AMBN: variants seen among roughly 807,000 people sequenced by gnomAD.
The protein encoded by AMBN is enamel matrix protein.
A neutral mutation model predicts 48.0 loss-of-function variants in AMBN; 54 were observed. The ratio of observed to expected loss-of-function variants is 1.12; its 90% confidence interval spans 0.90 to 1.41. AMBN has a LOEUF of 1.41. Ranked by LOEUF, AMBN falls within the 40% of genes most tolerant of loss-of-function variation. The pLI is 0.00. For synonymous variants in AMBN, 186 were observed against 190.0 expected (o/e 0.98, Z 0.17); for missense variants, 571 against 547.3 (o/e 1.04, Z -0.43).
chr4:70,596,873 G>A (rs1336526090), intron 2 of AMBN, 126 bp from the exon 3 acceptor site: 6 of 620,514 alleles, frequency 9.7e-6, no homozygotes, highest in Non-Finnish European at 1.7e-5. Flanking sequence ...CAAGTCATTT[G>A]CATAATAAAC....
At chr4:70,596,064 C>T (rs529121596) in intron 2 of AMBN, among the ~76,000 whole-genome samples, 14 of 151,818 alleles carry the variant, frequency 9.2e-5, no homozygotes, top group South Asian at 2.1e-4. Context: ...CTAAGGTGGG[C>T]GGATCACTTG....
chr4:70,592,484 T>C, intron 1 of AMBN, 111 bp downstream of exon 1: 1 of 1,208,994 alleles, frequency 8.3e-7, no homozygotes, highest in Non-Finnish European at 1.2e-6. Context: ...GTAGCTGAAT[T>C]ATTGCTTGTT....
chr4:70,601,253 A>G (rs888010337), intron 5 of AMBN, among the ~76,000 whole-genome samples, 165 bp from the exon 6 acceptor site: 1 of 152,172 alleles, frequency 6.6e-6, no homozygotes, highest in African/African-American at 2.4e-5. Context: ...CTCCCCAAAC[A>G]ACATTAACAC....
chr4:70,603,635 C>T (rs1737578010), intron 11 of AMBN, among the ~76,000 whole-genome samples, 175 bp downstream of exon 11: 1 of 150,468 alleles, frequency 6.6e-6, no homozygotes, highest in South Asian at 2.1e-4. Context: ...TGGCCAGACA[C>T]ACACACACAC....
chr4:70,603,233 A>T (rs777691977), intron 9 of AMBN, 27 bp from the exon 10 acceptor site: 70 of 1,603,840 alleles, frequency 4.4e-5, no homozygotes, highest in Non-Finnish European at 5.9e-5. Flanking sequence ...TGTGAGAATT[A>T]CTTATTCTGT....
intron 2 of AMBN, among the ~76,000 whole-genome samples, chr4:70,594,488 A>G (rs1249974477): frequency 6.6e-6 from 1 of 152,242 alleles, no homozygotes; most frequent in Non-Finnish European, 1.5e-5. Flanking sequence ...AGTAGCTCAC[A>G]GTTGGCCTCA....
chr4:70,594,201 G>T (rs966682293), intron 2 of AMBN, among the ~76,000 whole-genome samples: 1 of 152,182 alleles, frequency 6.6e-6, no homozygotes, highest in African/African-American at 2.4e-5. Flanking sequence ...GTGTGACTGA[G>T]AGCTGAAGTT....
chr4:70,603,105 G>C, intron 9 of AMBN, 95 bp downstream of exon 9: 1 of 1,426,696 alleles, frequency 7.0e-7, no homozygotes, highest in Admixed American at 2.1e-5. Context: ...ATTTATCCAT[G>C]AATATGAAGT....
chr4:70,602,640 T>C lies in AMBN; in HGVS notation c.548T>C (p.Phe183Ser), dbSNP rs1737546453. 3 of 1,579,706 alleles carry C rather than the reference T, an allele frequency of 1.9e-6. No individual in the cohort carries two copies. Among genetic ancestry groups the C allele is most frequent in the Admixed American group, 3.5e-5 (2 of 56,870 alleles). The change falls in exon 7 of 13, where the codon TTT (phenylalanine) becomes TCT (serine). Residue 183 changes from phenylalanine to serine, a missense_variant. Transcript: ENST00000322937. ...PPKPELPGVD[F>S]ADPQGPSLPG... ...GTGATATAGCTCCCAGGAGTAGATT[T>C]TGCTGATCCACAAGGTCCATCAGTA... is the stretch of plus-strand genomic sequence containing the variant.
chr4:70,605,646 G>A (rs1460866500), intron 12 of AMBN, among the ~76,000 whole-genome samples: 2 of 152,032 alleles, frequency 1.3e-5, no homozygotes, highest in African/African-American at 4.8e-5. Flanking sequence ...GTCTTAGCTG[G>A]GTGCAGTGTC....
intron 5 of AMBN, among the ~76,000 whole-genome samples, 185 bp from the exon 6 acceptor site, chr4:70,601,233 C>T (rs775667627): frequency 1.2e-4 from 19 of 152,120 alleles, no homozygotes; most frequent in Non-Finnish European, 2.4e-4. Flanking sequence ...AGGGGAGGCA[C>T]ACACAAGACC....
At position 70,602,787 on chromosome 4, in the gene AMBN, C is replaced by G. The variant is rs747370717; in HGVS notation, c.571-11C>G. ...TTTTACTGATAATTTTAATATTTATCTACAATATAGCTCCCAGGAATGGAT... is the reference window on the plus strand; with the variant it reads ...TTTTACTGATAATTTTAATATTTATGTACAATATAGCTCCCAGGAATGGAT... On this transcript the variant is annotated splice_polypyrimidine_tract_variant and intron_variant, in intron 7 of 12. Transcript: ENST00000322937. 5 of 1,569,020 alleles carry G rather than the reference C, an allele frequency of 3.2e-6. No individual in the cohort carries two copies. The highest frequency in any genetic ancestry group is 4.3e-6 in the Non-Finnish European group (5 of 1,155,024).
chr4:70,603,207 G>C, intron 9 of AMBN, 53 bp from the exon 10 acceptor site: 2 of 1,551,566 alleles, frequency 1.3e-6, no homozygotes, highest in Non-Finnish European at 1.8e-6. Flanking sequence ...AAAAATTACT[G>C]TTATGGGGAT....
chr4:70,601,199 A>C (rs1737512245), intron 5 of AMBN, among the ~76,000 whole-genome samples: 1 of 152,150 alleles, frequency 6.6e-6, no homozygotes, highest in Admixed American at 6.5e-5. Flanking sequence ...CACCTTTACG[A>C]GCAATGGTGG....
At chr4:70,596,126 C>A (rs972126204) in intron 2 of AMBN, among the ~76,000 whole-genome samples, 9 of 151,954 alleles carry the variant, frequency 5.9e-5, no homozygotes, top group African/African-American at 2.2e-4. Flanking sequence ...TCTGTCTCTA[C>A]CAAAAATACA....
rs563299134 is a variant in AMBN, at chr4:70,604,194, G to A, written c.798+273G>A. On this transcript the variant is annotated intron_variant, in intron 12 of 12. Coordinates refer to ENST00000322937, the MANE Select transcript of AMBN (RefSeq NM_016519.6). ...ACAGAGGAGAAAACTCCCCTTGAAAGGCCGTCATTGAACTATAAACACTTC... is the reference window on the plus strand; with the variant it reads ...ACAGAGGAGAAAACTCCCCTTGAAAAGCCGTCATTGAACTATAAACACTTC... Among the ~76,000 whole-genome samples the A allele has an allele frequency of 1.1e-4, 17 of 152,252 alleles. No individual in the cohort carries two copies. The South Asian group carries it at 3.3e-3, about 30-fold the overall frequency.
At chr4:70,597,934 G>A (rs1246712239) in intron 3 of AMBN, among the ~76,000 whole-genome samples, 2 of 150,118 alleles carry the variant, frequency 1.3e-5, no homozygotes, top group East Asian at 3.9e-4. Context: ...ATGGGAAAGA[G>A]GTAGAAGTTT....
intron 12 of AMBN, 119 bp from the exon 13 acceptor site, chr4:70,606,066 C>T (rs1737635249): frequency 8.4e-7 from 1 of 1,189,426 alleles, no homozygotes; most frequent in South Asian, 1.6e-5. Context: ...ATCAATCAGC[C>T]AACTTCCTAT....
chr4:70,598,564 G>A (rs1188506457), intron 4 of AMBN, among the ~76,000 whole-genome samples, 161 bp downstream of exon 4: 3 of 151,958 alleles, frequency 2.0e-5, no homozygotes, highest in African/African-American at 7.3e-5. Flanking sequence ...TACAGTGACA[G>A]GGAAAAACAA....
Sources: allele counts gnomAD v4.1 joint callset (sites outside exome capture counted in the v4.1 genomes callset), GRCh38; gene constraint gnomAD v4.1.1; transcripts MANE v1.5; gene names NCBI Gene and HGNC (gene_info 2026-07-23, HGNC 2026-07-21).